ZFHX3: variants seen among roughly 807,000 people sequenced by gnomAD.
ZFHX3 encodes zinc finger homeobox protein 3.
In ZFHX3, 42 loss-of-function variants were observed where a neutral mutation model predicts 279.1. The observed-to-expected ratio is 0.15, with a 90% CI of 0.12 to 0.19. ZFHX3 has a LOEUF of 0.19. Among genes scored for constraint, ZFHX3 ranks in the 10% least tolerant of loss-of-function variants. The probability of loss-of-function intolerance (pLI) is 1.00; values close to 1 mark genes in which losing one functional copy is unlikely to be tolerated. For missense variants in ZFHX3, 4,981 were observed against 4,754.0 expected (o/e 1.05, Z -1.40); for synonymous variants, 2,293 against 1,957.8 (o/e 1.17, Z -4.52).
At chr16:73,737,269 TCGAGCA>T (rs922046006) in intron 1 of ZFHX3, among the ~76,000 whole-genome samples, 1 of 152,166 alleles carries the variant, frequency 6.6e-6, no homozygotes. Context: ...ACTCCTGGGC[TCGAGCA>T]ATCTTCCTGC....
At chr16:73,662,164 C>T (rs1421892498) in intron 2 of ZFHX3, among the ~76,000 whole-genome samples, 1 of 152,102 alleles carries the variant, frequency 6.6e-6, no homozygotes, top group Admixed American at 6.5e-5. Context: ...CCTGATATTA[C>T]AAGGTGATAT....
chr16:73,732,851 T>C (rs532728355), intron 1 of ZFHX3, among the ~76,000 whole-genome samples: 1 of 152,298 alleles, frequency 6.6e-6, no homozygotes, highest in Admixed American at 6.5e-5. Context: ...TTTGCTGGTT[T>C]CTTGTGTCAT....
intron 2 of ZFHX3, among the ~76,000 whole-genome samples, chr16:72,957,003 T>A (rs930573605): frequency 4.6e-5 from 7 of 152,208 alleles, no homozygotes; most frequent in Non-Finnish European, 8.8e-5. Context: ...CTTAAATCAT[T>A]GAGGTAACTG....
intron 4 of ZFHX3, among the ~76,000 whole-genome samples, chr16:73,281,682 A>T (rs975217347): frequency 3.3e-5 from 5 of 152,196 alleles, no homozygotes; most frequent in Non-Finnish European, 7.3e-5. Context: ...GAGGTGACAG[A>T]TATGTTTATA....
chr16:73,164,708 A>G (rs1379330143), intron 5 of ZFHX3, among the ~76,000 whole-genome samples: 1 of 152,022 alleles, frequency 6.6e-6, no homozygotes, highest in Non-Finnish European at 1.5e-5. Flanking sequence ...GAAAAAAAAA[A>G]AAAAAAAAGA....
At chr16:73,211,711 T>C (rs1025132674) in intron 5 of ZFHX3, among the ~76,000 whole-genome samples, 1 of 152,048 alleles carries the variant, frequency 6.6e-6, no homozygotes, top group Non-Finnish European at 1.5e-5. Flanking sequence ...GTTCTTTCTC[T>C]TGGTTATTAT....
intron 4 of ZFHX3, among the ~76,000 whole-genome samples, chr16:72,835,976 A>G (rs1391637058): frequency 6.6e-6 from 1 of 152,240 alleles, no homozygotes; most frequent in Non-Finnish European, 1.5e-5. Flanking sequence ...AATATAAAAG[A>G]TGACTACTAA....
intron 3 of ZFHX3, among the ~76,000 whole-genome samples, chr16:73,354,414 A>C (rs1190452089): frequency 1.3e-5 from 2 of 152,206 alleles, no homozygotes. Context: ...CTGCAAATCC[A>C]AAGTTTTAAG....
chr16:73,221,103 T>C (rs1346060687), intron 5 of ZFHX3, among the ~76,000 whole-genome samples: 11 of 152,156 alleles, frequency 7.2e-5, no homozygotes, highest in Non-Finnish European at 5.9e-5. Flanking sequence ...AGCATAACCG[T>C]ATTGTTGTAA....
Position 72,793,869 on chromosome 16 carries a change from C to G in ZFHX3, c.8813G>C (p.Gly2938Ala). The change falls in exon 9 of 10, where the codon GGT (glycine) becomes GCT (alanine). Residue 2938 changes from glycine (G) to alanine (A), a missense_variant. Physicochemically the swap from Gly to Ala is moderately conservative, Grantham distance 60. Coordinates refer to ENST00000268489, the MANE Select transcript of ZFHX3 (RefSeq NM_006885.4). This position sits in a 1 kb window ranked among gnomAD's most constrained non-coding sequence, Gnocchi z 4.3. ...PGASGSAGKS[G>A]DSGDRPGQKR... ...CTGCCCAGGCCGATCTCCGCTGTCA[C>G]CAGATTTGCCTGCAGATCCACTCGC... is the stretch of plus-strand genomic sequence containing the variant. 6.2e-7 allele frequency: 1 copy of G among 1,614,172 alleles called. No individual in the cohort carries two copies. Among genetic ancestry groups the G allele is most frequent in the Non-Finnish European group, 8.5e-7 (1 of 1,180,030 alleles).
chr16:73,675,260 TC>T (rs2052943121), intron 2 of ZFHX3, among the ~76,000 whole-genome samples: 1 of 151,926 alleles, frequency 6.6e-6, no homozygotes, highest in Non-Finnish European at 1.5e-5. Context: ...GGAAGCAGAG[TC>T]ACAGCCCAAG....
chr16:73,733,715 G>C (rs949051197), intron 1 of ZFHX3, among the ~76,000 whole-genome samples: 1 of 152,076 alleles, frequency 6.6e-6, no homozygotes, highest in African/African-American at 2.4e-5. Flanking sequence ...TTCAACATTA[G>C]TCAGAAAGCT....
intron 9 of ZFHX3, chr16:72,791,268 T>G (rs564990556): frequency 6.6e-6 from 1 of 152,244 alleles, no homozygotes; most frequent in African/African-American, 2.4e-5. Context: ...ATATAATAGA[T>G]GTTTAATAAA....
chr16:72,827,740 G>A (rs551400899), intron 5 of ZFHX3, among the ~76,000 whole-genome samples: 3 of 152,196 alleles, frequency 2.0e-5, no homozygotes, highest in East Asian at 1.9e-4. Flanking sequence ...TCCACTCCTC[G>A]GTCCTACCTT....
intron 1 of ZFHX3, among the ~76,000 whole-genome samples, chr16:73,737,334 G>C (rs1281687454): frequency 6.6e-6 from 1 of 152,092 alleles, no homozygotes; most frequent in East Asian, 1.9e-4. Context: ...ACTGCACTCA[G>C]CCTGTGACTC....
At chr16:73,255,900 G>C (rs935823853) in intron 5 of ZFHX3, among the ~76,000 whole-genome samples, 3 of 152,102 alleles carry the variant, frequency 2.0e-5, no homozygotes, top group Non-Finnish European at 4.4e-5. Flanking sequence ...GGGGTCTCTG[G>C]GCATGGCCCC....
At chr16:73,050,989 A>C (rs1342027180), upstream of ZFHX3, among the ~76,000 whole-genome samples, 2 of 152,154 alleles carry the variant, frequency 1.3e-5, no homozygotes, top group Admixed American at 6.5e-5. Context: ...ACCGAGCCAA[A>C]CCTGCTTGTC....
At chr16:73,440,558 G>A (rs1394921222) in intron 3 of ZFHX3, among the ~76,000 whole-genome samples, 1 of 152,190 alleles carries the variant, frequency 6.6e-6, no homozygotes, top group Non-Finnish European at 1.5e-5. Context: ...ATTTCTGACA[G>A]ATTGAGAGTT....
intron 7 of ZFHX3, among the ~76,000 whole-genome samples, chr16:73,130,432 T>G (rs1285541830): frequency 6.6e-6 from 1 of 152,224 alleles, no homozygotes; most frequent in Non-Finnish European, 1.5e-5. Flanking sequence ...CCATACACTC[T>G]TCTCCGAGAG....
Sources: allele counts gnomAD v4.1 joint callset (sites outside exome capture counted in the v4.1 genomes callset), GRCh38; gene constraint gnomAD v4.1.1; non-coding constraint Gnocchi (gnomAD v3.1); transcripts MANE v1.5; gene names NCBI Gene and HGNC (gene_info 2026-07-23, HGNC 2026-07-21).